Variants in WDR36 observed in about 807,000 individuals in gnomAD.
WDR36 encodes the protein WD repeat-containing protein 36.
Under a neutral mutation model 112.7 loss-of-function variants are expected in WDR36, and 63 were observed. The ratio of observed to expected loss-of-function variants is 0.56; its 90% CI spans 0.46 to 0.69. The LOEUF (loss-of-function observed/expected upper bound fraction) is 0.69. WDR36 is among the 30% of genes least tolerant of loss of function. The probability of loss-of-function intolerance (pLI) is 0.00; values close to 1 mark genes in which losing one functional copy is unlikely to be tolerated. For synonymous variants in WDR36, 410 were observed against 362.2 expected, an observed-to-expected ratio of 1.13 and a Z score of -1.50; for missense variants, 1,226 against 1,070.3, an observed-to-expected ratio of 1.15 and a Z score of -2.03.
At chr5:111,098,890 T>G in intron 4 of WDR36, 51 bp downstream of exon 4, 2 of 1,249,146 alleles carry the variant, frequency 1.6e-6, no homozygotes, top group Non-Finnish European at 2.4e-6. Flanking sequence ...ATGTGTTTAA[T>G]TAAAATTTAA....
Position 111,129,406 on chromosome 5 carries a change from A to T in WDR36, c.*2523A>T, listed in dbSNP as rs571720181. The T allele has an allele frequency of 5.2e-6, 1 of 192,910 alleles. No homozygotes were observed. The highest frequency in any genetic ancestry group is 1.1e-5 in the Non-Finnish European group (1 of 92,368). The allele number at this position is 192,910 out of a possible 1,614,324, so 11.9% of individuals were successfully genotyped here. The stretch of plus-strand genomic sequence containing the variant: ...CCCCATGTAATTAATGACACTTGCT[A>T]TTGGATTTTTGTAATTTAATTACTC... On this transcript the variant is annotated 3_prime_UTR_variant, in exon 23 of 23. Transcript: ENST00000513710.
At chr5:111,116,954 A>T (rs1031576006) in intron 16 of WDR36, among the ~76,000 whole-genome samples, 1 of 152,242 alleles carries the variant, frequency 6.6e-6, no homozygotes, top group Non-Finnish European at 1.5e-5. Context: ...GACAAAGGAA[A>T]TACCTTAAGA....
chr5:111,121,117 C>G lies in WDR36; in HGVS notation c.2124C>G (p.Asn708Lys). The change falls in exon 19 of 23, where the codon AAC (asparagine) becomes AAG (lysine). Residue 708 changes from asparagine (N) to lysine (K), a missense_variant. By Grantham distance (94) the Asn-to-Lys change is moderately conservative. Coordinates refer to ENST00000513710, the MANE Select transcript of WDR36 (RefSeq NM_139281.3). ...TTCTTCCTGAATCACGATGGAAAAA[C>G]CTTCTTAACCTTGATGTTATTAAGG... ...LSLLPESRWK[N>K]LLNLDVIKKK... is the part of the protein sequence containing the mutation. 6.2e-7 allele frequency: 1 copy of G among 1,613,454 alleles called. No homozygotes were observed. The highest frequency in any genetic ancestry group is 8.5e-7 in the Non-Finnish European group (1 of 1,179,610).
In WDR36 at chr5:111,107,271, T is replaced by A. The variant is rs1356128174; in HGVS notation, c.1181-23T>A. 3 of 1,604,378 alleles carry A rather than the reference T, an allele frequency of 1.9e-6. No homozygotes were observed. The African/African-American group carries it at 4.0e-5, about 22-fold the overall frequency. On this transcript the variant is annotated intron_variant, in intron 11 of 22. Transcript: ENST00000513710. ...ATAACAGAATGAAAAGTAATTTGAT[T>A]TATGATTTTCATTACGTTTTAGAGG...
At chr5:111,095,672 C>T (rs796503346) in intron 2 of WDR36, among the ~76,000 whole-genome samples, 1 of 152,174 alleles carries the variant, frequency 6.6e-6, no homozygotes, top group East Asian at 1.9e-4. Flanking sequence ...TAGGAACATT[C>T]ACCTGGTTAT....
chr5:111,100,809 G>A, intron 5 of WDR36, 88 bp downstream of exon 5: 1 of 1,340,904 alleles, frequency 7.5e-7, no homozygotes. Context: ...ATTTCTCCCT[G>A]CCCTTGTATA....
chr5:111,099,441 G>GTTT (rs1234302447), intron 4 of WDR36, among the ~76,000 whole-genome samples: 2 of 98,204 alleles, frequency 2.0e-5, no homozygotes, highest in Non-Finnish European at 4.1e-5. Flanking sequence ...TTGCCTCTTG[G>GTTT]TTTTTTTTTG....
chr5:111,097,239 G>A, intron 3 of WDR36, 60 bp downstream of exon 3: 2 of 1,261,600 alleles, frequency 1.6e-6, no homozygotes. Flanking sequence ...ATAGTGGAGG[G>A]AACTTTAATT....
chr5:111,117,680 G>A (rs1041932456), intron 16 of WDR36, among the ~76,000 whole-genome samples: 5 of 152,114 alleles, frequency 3.3e-5, no homozygotes, highest in African/African-American at 9.7e-5. Context: ...TAGTTAGCAC[G>A]CTCAAGTGCT....
chr5:111,111,019 T>G lies in WDR36; in HGVS notation c.1607+66T>G, dbSNP rs530392060. 1.0e-5 allele frequency: 16 copies of G among 1,592,278 alleles called. No homozygotes were observed. The African/African-American group carries it at 1.6e-4, about 16-fold the overall frequency. On this transcript the variant is annotated intron_variant, in intron 14 of 22. Transcript: ENST00000513710. ...TGGTAAAAGTCATAAAGTCACAATT[T>G]ACCAAGTGGGAAAAATCAGACTCTT...
At chr5:111,093,852 C>A (rs1341752431) in intron 1 of WDR36, among the ~76,000 whole-genome samples, 1 of 152,112 alleles carries the variant, frequency 6.6e-6, no homozygotes, top group Non-Finnish European at 1.5e-5. Context: ...AATTTACTTA[C>A]TGTGTGTTGA....
intron 12 of WDR36, among the ~76,000 whole-genome samples, chr5:111,109,285 A>T (rs1319962820): frequency 2.0e-5 from 3 of 151,420 alleles, no homozygotes; most frequent in Non-Finnish European, 4.4e-5. Flanking sequence ...TTCATTTAGG[A>T]AGATAAAATG....
intron 21 of WDR36, 92 bp from the exon 22 acceptor site, chr5:111,125,516 A>T (rs1316757244): frequency 2.3e-6 from 3 of 1,292,260 alleles, no homozygotes; most frequent in Non-Finnish European, 3.2e-6. Flanking sequence ...GTACCATTTA[A>T]ATATATCCTA....
chr5:111,111,729 A>C (rs781116133), intron 15 of WDR36, among the ~76,000 whole-genome samples: 1 of 151,852 alleles, frequency 6.6e-6, no homozygotes, highest in Non-Finnish European at 1.5e-5. Context: ...GAAAGGGTTT[A>C]ATTAATAAAA....
intron 3 of WDR36, among the ~76,000 whole-genome samples, chr5:111,097,693 C>T (rs13357747): frequency 6.6e-6 from 1 of 152,162 alleles, no homozygotes; most frequent in Admixed American, 6.5e-5. Context: ...TGGTCTAAAT[C>T]TACCAGTTGG....
At chr5:111,124,886 T>C (rs1490342381) in intron 21 of WDR36, among the ~76,000 whole-genome samples, 1 of 152,148 alleles carries the variant, frequency 6.6e-6, no homozygotes, top group Admixed American at 6.6e-5. Context: ...GACAAAGAAA[T>C]AAAAACACTA....
At chr5:111,106,230 T>C in intron 11 of WDR36, 87 bp downstream of exon 11, 1 of 1,233,414 alleles carries the variant, frequency 8.1e-7, no homozygotes, top group South Asian at 1.2e-5. Context: ...TTTTAATAAA[T>C]GCTTTTACAA....
rs1313974371 is a variant in WDR36 at position 111,128,406 on chromosome 5, A to C, written c.*1523A>C. 5.5e-6 allele frequency: 1 copy of C among 182,822 alleles called. No individual in the cohort carries two copies. Among genetic ancestry groups the C allele is most frequent in the African/African-American group, 2.3e-5 (1 of 42,628 alleles). 11.3% of individuals were successfully genotyped at this position (182,822 alleles called of 1,614,324 possible). A position where few individuals can be genotyped will look rare whatever the true frequency, so the allele number is the denominator to read the frequency against. ...TACTCAATTTCGTTTTTCTTTTAGA[A>C]ATGTGTATTGACTTATTAAAGCCAC... is the stretch of plus-strand genomic sequence containing the variant. On this transcript the variant is annotated 3_prime_UTR_variant, in exon 23 of 23. Transcript: ENST00000513710.
chr5:111,093,825 C>T (rs1752918318), intron 1 of WDR36, among the ~76,000 whole-genome samples: 1 of 152,130 alleles, frequency 6.6e-6, no homozygotes, highest in South Asian at 2.1e-4. Context: ...CATATTTGTA[C>T]ATTTTATAAA....
Sources: allele counts gnomAD v4.1 joint callset (sites outside exome capture counted in the v4.1 genomes callset), GRCh38; gene constraint gnomAD v4.1.1; transcripts MANE v1.5; gene names NCBI Gene and HGNC (gene_info 2026-07-23, HGNC 2026-07-21).